DNAJC5B: variants seen among roughly 807,000 people sequenced by gnomAD.
DNAJC5B encodes dnaJ homolog subfamily C member 5B.
Under a neutral mutation model 24.7 loss-of-function variants are expected in DNAJC5B, and 23 were observed. That is an observed-to-expected ratio of 0.93 (90% CI 0.67 to 1.32). The LOEUF (loss-of-function observed/expected upper bound fraction) is 1.32, where lower values mean the gene tolerates loss of function less well. Ranked by LOEUF, DNAJC5B falls within the 40% of genes most tolerant of loss-of-function variation. The pLI is 0.00. For missense variants in DNAJC5B, 238 were observed against 240.8 expected (o/e 0.99, Z 0.08); for synonymous variants, 101 against 90.1 (o/e 1.12, Z -0.68).
chr8:66,069,680 A>G (rs1421838683), intron 3 of DNAJC5B, among the ~76,000 whole-genome samples: 2 of 152,248 alleles, frequency 1.3e-5, no homozygotes, highest in African/African-American at 4.8e-5. Context: ...AACAATAGAA[A>G]AAGAGGGAAT....
chr8:66,047,075 T>G (rs1806736875), intron 2 of DNAJC5B, among the ~76,000 whole-genome samples: 1 of 152,232 alleles, frequency 6.6e-6, no homozygotes, highest in Non-Finnish European at 1.5e-5. Flanking sequence ...AAGAACTGAA[T>G]CCATGTGACC....
intron 1 of DNAJC5B, among the ~76,000 whole-genome samples, chr8:66,033,085 G>A (rs550426121): frequency 3.9e-5 from 6 of 152,332 alleles, no homozygotes; most frequent in Middle Eastern, 3.4e-3. Flanking sequence ...CAAGCCATCC[G>A]TATCCCAGTC....
intron 3 of DNAJC5B, among the ~76,000 whole-genome samples, chr8:66,070,594 A>C (rs531004857): frequency 6.6e-6 from 1 of 152,360 alleles, no homozygotes; most frequent in South Asian, 2.1e-4. Context: ...ATGGATAGGA[A>C]GAATCAATAT....
chr8:66,062,895 G>T (rs1807115053), intron 3 of DNAJC5B, among the ~76,000 whole-genome samples: 1 of 151,488 alleles, frequency 6.6e-6, no homozygotes, highest in African/African-American at 2.4e-5. Context: ...CTGTGGTCCT[G>T]GCTATTTGGG....
chr8:66,083,909 TG>T (rs1471495517), intron 5 of DNAJC5B, among the ~76,000 whole-genome samples: 11 of 152,162 alleles, frequency 7.2e-5, no homozygotes, highest in African/African-American at 2.4e-4. Flanking sequence ...GAGATGTTTT[TG>T]TTGATTGTGG....
chr8:66,055,944 G>T (rs1367740003), intron 3 of DNAJC5B, among the ~76,000 whole-genome samples: 1 of 152,154 alleles, frequency 6.6e-6, no homozygotes, highest in Admixed American at 6.5e-5. Context: ...GTGAGACTGT[G>T]TCTTGGAATA....
chr8:66,080,958 G>A (rs1184091119), intron 5 of DNAJC5B, among the ~76,000 whole-genome samples: 1 of 152,000 alleles, frequency 6.6e-6, no homozygotes, highest in Non-Finnish European at 1.5e-5. Flanking sequence ...AAGAAAGTGG[G>A]CATCAAAAAA....
At chr8:66,091,865 A>T (rs777724262) in intron 5 of DNAJC5B, among the ~76,000 whole-genome samples, 2 of 152,198 alleles carry the variant, frequency 1.3e-5, no homozygotes, top group Non-Finnish European at 2.9e-5. Context: ...TGGATGCTAC[A>T]ATATGGATGA....
At chr8:66,089,218 C>T (rs1004252452) in intron 5 of DNAJC5B, among the ~76,000 whole-genome samples, 1 of 152,120 alleles carries the variant, frequency 6.6e-6, no homozygotes, top group Non-Finnish European at 1.5e-5. Flanking sequence ...AAGGGAAGTG[C>T]CTCACTTTTA....
At chr8:66,029,282 A>G (rs771849769) in intron 1 of DNAJC5B, among the ~76,000 whole-genome samples, 14 of 152,256 alleles carry the variant, frequency 9.2e-5, no homozygotes, top group Non-Finnish European at 2.1e-4. Context: ...GACAGGGAAC[A>G]GCATGTGTAA....
At chr8:66,066,177 AGGT>A (rs1807188419) in intron 3 of DNAJC5B, among the ~76,000 whole-genome samples, 1 of 152,222 alleles carries the variant, frequency 6.6e-6, no homozygotes, top group Non-Finnish European at 1.5e-5. Flanking sequence ...AACCACAATG[AGGT>A]ATCGCCTTAC....
At chr8:66,083,660 C>T (rs1356024204) in intron 5 of DNAJC5B, among the ~76,000 whole-genome samples, 1 of 152,174 alleles carries the variant, frequency 6.6e-6, no homozygotes, top group African/African-American at 2.4e-5. Context: ...CATGTCCCCT[C>T]AGCAAGTGAA....
chr8:66,079,871 G>C lies in DNAJC5B; in HGVS notation c.334-506G>C, dbSNP rs551767512. 6.6e-5 allele frequency among the ~76,000 whole-genome samples: 10 copies of C among 152,232 alleles called. 1 individual carries two copies. Among genetic ancestry groups the C allele is most frequent in the Admixed American group, 4.6e-4 (7 of 15,302 alleles). ...TGGCCAGGATAGAGGCATGAGGGAGGATGCAAGAGACTTGAGGAGAGACGC... is the reference window on the plus strand; with the variant it reads ...TGGCCAGGATAGAGGCATGAGGGAGCATGCAAGAGACTTGAGGAGAGACGC... On this transcript the variant is annotated intron_variant, in intron 4 of 5. Transcript: ENST00000276570.
At chr8:66,076,577 C>T (rs1395564956) in intron 3 of DNAJC5B, 83 bp from the exon 4 acceptor site, 4 of 1,421,384 alleles carry the variant, frequency 2.8e-6, no homozygotes, top group Non-Finnish European at 3.9e-6. Context: ...AAAGAATATA[C>T]AAATGAACAG....
intron 1 of DNAJC5B, among the ~76,000 whole-genome samples, chr8:66,032,835 T>A (rs137926705): frequency 7.5e-4 from 115 of 152,372 alleles, no homozygotes; most frequent in African/African-American, 2.7e-3. Context: ...AAAAACACTG[T>A]CTAGTTCTAA....
chr8:66,071,236 AG>A (rs1357262280), intron 3 of DNAJC5B, among the ~76,000 whole-genome samples: 1 of 152,256 alleles, frequency 6.6e-6, no homozygotes, highest in Non-Finnish European at 1.5e-5. Context: ...GCACAGCAAA[AG>A]AAACTAGCAT....
chr8:66,065,557 C>A (rs73691274), intron 3 of DNAJC5B, among the ~76,000 whole-genome samples: 1 of 152,302 alleles, frequency 6.6e-6, no homozygotes, highest in African/African-American at 2.4e-5. Context: ...GCCCTGCTAG[C>A]ATTCTCAGCC....
intron 1 of DNAJC5B, among the ~76,000 whole-genome samples, chr8:66,035,037 A>G (rs1806451716): frequency 1.3e-5 from 2 of 152,258 alleles, no homozygotes; most frequent in South Asian, 2.1e-4. Flanking sequence ...TTCATAAAAT[A>G]GCCCCAAGGG....
chr8:66,063,922 A>T (rs1443837001), intron 3 of DNAJC5B, among the ~76,000 whole-genome samples: 1 of 152,190 alleles, frequency 6.6e-6, no homozygotes, highest in Non-Finnish European at 1.5e-5. Flanking sequence ...CTTTAAATTT[A>T]CTGGCTCTGG....
Sources: gnomAD v4.1 joint callset for allele counts (sites outside exome capture counted in the v4.1 genomes callset) on GRCh38, gnomAD v4.1.1 for gene constraint, MANE v1.5 for transcripts, NCBI Gene and HGNC (gene_info 2026-07-23, HGNC 2026-07-21) for gene names.